The following ACSL3 variants were observed in gnomAD, a reference collection of about 807,000 sequenced individuals.
The protein encoded by ACSL3 is fatty acid CoA ligase Acsl3.
In ACSL3, 34 loss-of-function variants were observed where a neutral mutation model predicts 84.7. The observed-to-expected ratio is 0.40, with a 90% CI of 0.31 to 0.53. The LOEUF (loss-of-function observed/expected upper bound fraction) is 0.53. ACSL3 is among the 20% of genes least tolerant of loss of function. The pLI is 0.48. For synonymous variants in ACSL3, 315 were observed against 299.4 expected (o/e 1.05, Z -0.54); for missense variants, 680 against 873.1 (o/e 0.78, Z 2.79).
chr2:222,922,625 C>A, intron 8 of ACSL3, 83 bp from the exon 9 acceptor site: 1 of 1,559,158 alleles, frequency 6.4e-7, no homozygotes, highest in Admixed American at 1.8e-5. Flanking sequence ...CTTCCATGTG[C>A]CTTCAAGCTT....
At chr2:222,862,265 A>T (rs1352815877) in intron 1 of ACSL3, among the ~76,000 whole-genome samples, 1 of 152,182 alleles carries the variant, frequency 6.6e-6, no homozygotes, top group Non-Finnish European at 1.5e-5. Flanking sequence ...AGCGGGAGAA[A>T]CTGCAGATTG....
Position 222,901,964 on chromosome 2 carries a change from A to AAAAAAAAAAGG in ACSL3, c.-41+1184_-41+1185insAAAAAAAAAGG, listed in dbSNP as rs57522671. Among the ~76,000 whole-genome samples the AAAAAAAAAAGG allele has an allele frequency of 8.0e-5, 8 of 99,456 alleles. 2 individuals carry two copies. The highest frequency in any genetic ancestry group is 1.6e-4 in the African/African-American group (4 of 24,624). 65.2% of individuals were successfully genotyped at this position (99,456 alleles called of 152,430 possible). A position where few individuals can be genotyped will look rare whatever the true frequency, so the allele number is the denominator to read the frequency against. On this transcript the variant is annotated intron_variant, in intron 3 of 16. Transcript: ENST00000357430. Reference sequence around the variant, plus strand: ...GTCTCAAAAAAAAAAAAAAAAAAAAAGAACTCAAATATTGTTGAGGTAGCA... The same window carrying AAAAAAAAAAGG: ...GTCTCAAAAAAAAAAAAAAAAAAAAAAAAAAAAAAGGGAACTCAAATATTGTTGAGGTAGCA...
At position 222,943,638 on chromosome 2, in the gene ACSL3, C is replaced by G. The variant is rs1697384537; in HGVS notation, c.*1984C>G. The G allele has an allele frequency of 6.6e-6, 1 of 152,322 alleles. No homozygotes were observed. The highest frequency in any genetic ancestry group is 2.4e-5 in the African/African-American group (1 of 41,444). The allele number at this position is 152,322 out of a possible 1,614,324, so 9.4% of individuals were successfully genotyped here. A position where few individuals can be genotyped will look rare whatever the true frequency, so the allele number is the denominator to read the frequency against. ...CTCATATGAAGTTTATAATTCCTTT[C>G]AGTCCTAAAATGTCAGATGCCAGGT... On this transcript the variant is annotated 3_prime_UTR_variant, in exon 17 of 17. Transcript: ENST00000357430.
At chr2:222,878,960 C>A (rs1017123485) in intron 1 of ACSL3, among the ~76,000 whole-genome samples, 1 of 152,148 alleles carries the variant, frequency 6.6e-6, no homozygotes, top group African/African-American at 2.4e-5. Context: ...AACCACATAC[C>A]TGGAATCCCT....
rs66562269 is a variant in ACSL3 at position 222,943,252 on chromosome 2, T to TTCC, written c.*1599_*1600insCCT. 3.1e-5 allele frequency: 2 copies of TTCC among 64,910 alleles called. No individual in the cohort carries two copies. Among genetic ancestry groups the TTCC allele is most frequent in the Non-Finnish European group, 5.0e-5 (2 of 40,280 alleles). 4.0% of individuals were successfully genotyped at this position (64,910 alleles called of 1,614,324 possible). On this transcript the variant is annotated 3_prime_UTR_variant, in exon 17 of 17. Coordinates refer to ENST00000357430, the MANE Select transcript of ACSL3 (RefSeq NM_004457.5). ...TTTTTTGTTTTCAACTTTTCTTGTATTGTATATTTGTATTATGTTTTGAAT... is the reference window on the plus strand; with the variant it reads ...TTTTTTGTTTTCAACTTTTCTTGTATTCCTGTATATTTGTATTATGTTTTGAAT...
In ACSL3 at chr2:222,882,228, A is replaced by C. The variant is rs191088057; in HGVS notation, c.-206-5602A>C. 3.8e-3 allele frequency among the ~76,000 whole-genome samples: 584 copies of C among 152,290 alleles called. 2 individuals carry two copies. Among genetic ancestry groups the C allele is most frequent in the Middle Eastern group, 0.02 (6 of 294 alleles). On this transcript the variant is annotated intron_variant, in intron 1 of 16. Coordinates refer to ENST00000357430, the MANE Select transcript of ACSL3 (RefSeq NM_004457.5). ...GGAATGTAAATTTTCTAAGTCCTTGAAAGTCTGAAAATTTCTTTATTCTAC... is the reference window on the plus strand; with the variant it reads ...GGAATGTAAATTTTCTAAGTCCTTGCAAGTCTGAAAATTTCTTTATTCTAC...
intron 1 of ACSL3, among the ~76,000 whole-genome samples, chr2:222,880,189 G>A (rs918163393): frequency 6.6e-6 from 1 of 152,132 alleles, no homozygotes; most frequent in Non-Finnish European, 1.5e-5. Flanking sequence ...TAAATATGCT[G>A]TTTCTCAAAG....
In ACSL3 at chr2:222,881,222, A is replaced by G. The variant is rs868785330; in HGVS notation, c.-206-6608A>G. ...AACTATTTTATGTTCTTTTTTTACT[A>G]CTAGGTCTTTGGAATCCCATGTGTA... On this transcript the variant is annotated intron_variant, in intron 1 of 16. Coordinates refer to ENST00000357430, the MANE Select transcript of ACSL3 (RefSeq NM_004457.5). Among the ~76,000 whole-genome samples, 46 of 152,316 alleles carry G rather than the reference A, an allele frequency of 3.0e-4. 1 individual carries two copies. Among genetic ancestry groups the G allele is most frequent in the Middle Eastern group, 6.8e-3 (2 of 294 alleles).
In ACSL3 at chr2:222,874,948, A is replaced by G. The variant is rs80058911; in HGVS notation, c.-206-12882A>G. Among the ~76,000 whole-genome samples the G allele has an allele frequency of 3.0e-3, 444 of 149,064 alleles. 2 individuals carry two copies. The highest frequency in any genetic ancestry group is 0.01 in the African/African-American group (423 of 40,800). Reference sequence around the variant, plus strand: ...ATAGTGATAACCCGTCTCTACCAACAAAAAAAAAAGATATAAAAGTAAAAA... The same window carrying G: ...ATAGTGATAACCCGTCTCTACCAACGAAAAAAAAAGATATAAAAGTAAAAA... On this transcript the variant is annotated intron_variant, in intron 1 of 16. Coordinates refer to ENST00000357430, the MANE Select transcript of ACSL3 (RefSeq NM_004457.5).
intron 3 of ACSL3, among the ~76,000 whole-genome samples, chr2:222,908,133 T>C (rs982186294): frequency 6.6e-6 from 1 of 152,228 alleles, no homozygotes; most frequent in Non-Finnish European, 1.5e-5. Flanking sequence ...GGATTTTCAA[T>C]AAATCTGATG....
intron 6 of ACSL3, 24 bp downstream of exon 6, chr2:222,918,179 ACTGT>A: frequency 1.4e-6 from 2 of 1,477,166 alleles, no homozygotes; most frequent in Non-Finnish European, 1.9e-6. Flanking sequence ...TTACTTTCTA[ACTGT>A]CTGATACTTT....
At chr2:222,895,470 C>CTTTTTT (rs1164470428) in intron 2 of ACSL3, among the ~76,000 whole-genome samples, 13 of 15,606 alleles carry the variant, frequency 8.3e-4, no homozygotes, top group Non-Finnish European at 1.1e-3. Context: ...TTACTTTGTT[C>CTTTTTT]TTTTTTTTTT....
intron 2 of ACSL3, among the ~76,000 whole-genome samples, chr2:222,888,453 G>A (rs1695771948): frequency 6.6e-6 from 1 of 152,140 alleles, no homozygotes; most frequent in South Asian, 2.1e-4. Context: ...AAATTGAGTA[G>A]GACTGCTGTA....
chr2:222,881,716 A>G (rs1033598352), intron 1 of ACSL3, among the ~76,000 whole-genome samples: 1 of 152,144 alleles, frequency 6.6e-6, no homozygotes, highest in African/African-American at 2.4e-5. Context: ...GGGTTTCACC[A>G]TGTTGGCTAG....
chr2:222,891,934 A>G (rs1219544120), intron 2 of ACSL3, among the ~76,000 whole-genome samples: 3 of 152,228 alleles, frequency 2.0e-5, no homozygotes, highest in East Asian at 3.8e-4. Context: ...TAATCCAGAT[A>G]GTAATATGAC....
Position 222,942,483 on chromosome 2 carries a change from AAG to A in ACSL3, c.*834_*835del, listed in dbSNP as rs1220601489. ...CCAAACTTAAATGGAAGAATTCTGA[AAG>A]AGAGGATAGAATTTAAAGAACAAGA... is the stretch of plus-strand genomic sequence containing the variant. On this transcript the variant is annotated 3_prime_UTR_variant, in exon 17 of 17. Transcript: ENST00000357430. The A allele has an allele frequency of 1.6e-5, 3 of 192,828 alleles. No individual in the cohort carries two copies. The highest frequency in any genetic ancestry group is 6.9e-5 in the African/African-American group (3 of 43,276). 11.9% of individuals were successfully genotyped at this position (192,828 alleles called of 1,614,324 possible).
intron 1 of ACSL3, among the ~76,000 whole-genome samples, chr2:222,883,127 C>T (rs1018606262): frequency 6.7e-6 from 1 of 149,782 alleles, no homozygotes; most frequent in Non-Finnish European, 1.5e-5. Flanking sequence ...CTTTGTTGAT[C>T]AGTTATAGAA....
At chr2:222,914,541 C>T (rs1417771674) in intron 4 of ACSL3, among the ~76,000 whole-genome samples, 3 of 152,098 alleles carry the variant, frequency 2.0e-5, no homozygotes, top group African/African-American at 7.2e-5. Context: ...AGATTACAGG[C>T]ATGAGCCAGT....
chr2:222,914,419 C>T (rs571177890), intron 4 of ACSL3, among the ~76,000 whole-genome samples: 9 of 152,100 alleles, frequency 5.9e-5, no homozygotes, highest in Middle Eastern at 3.4e-3. Flanking sequence ...ATGTACTGCA[C>T]GTCTGGCTAA....
Sources: allele counts gnomAD v4.1 joint callset (sites outside exome capture counted in the v4.1 genomes callset), GRCh38; gene constraint gnomAD v4.1.1; transcripts MANE v1.5; gene names NCBI Gene and HGNC (gene_info 2026-07-23, HGNC 2026-07-21).